MAP3K7: variants seen among roughly 807,000 people sequenced by gnomAD.
The protein encoded by MAP3K7 is TGF-beta activated kinase 1.
A neutral mutation model predicts 84.8 loss-of-function variants in MAP3K7; 21 were observed. The ratio of observed to expected loss-of-function variants is 0.25; its 90% confidence interval spans 0.18 to 0.36. MAP3K7 has a LOEUF of 0.36. MAP3K7 is among the 10% of genes least tolerant of loss of function. The pLI is 1.00. For synonymous variants in MAP3K7, 241 were observed against 247.7 expected (o/e 0.97, Z 0.25); for missense variants, 503 against 747.7 (o/e 0.67, Z 3.82).
chr6:90,529,688 G>A (rs1400086829), intron 13 of MAP3K7, among the ~76,000 whole-genome samples: 1 of 152,116 alleles, frequency 6.6e-6, no homozygotes, highest in Non-Finnish European at 1.5e-5. Context: ...GTCTTCACAC[G>A]AGATTTTTTT....
chr6:90,569,750 C>T (rs1442039872), intron 2 of MAP3K7, among the ~76,000 whole-genome samples: 1 of 152,100 alleles, frequency 6.6e-6, no homozygotes, highest in Non-Finnish European at 1.5e-5. Context: ...TCTGGGATTA[C>T]AGATGTGAAC....
At chr6:90,558,503 C>T (rs1166061690) in intron 5 of MAP3K7, among the ~76,000 whole-genome samples, 3 of 152,036 alleles carry the variant, frequency 2.0e-5, no homozygotes, top group Non-Finnish European at 2.9e-5. Flanking sequence ...GCTCCAAAGA[C>T]GATTTGCAAG....
At chr6:90,542,820 T>G (rs1775894908) in intron 12 of MAP3K7, among the ~76,000 whole-genome samples, 1 of 152,032 alleles carries the variant, frequency 6.6e-6, no homozygotes, top group Admixed American at 6.6e-5. Context: ...TGCTGCCATT[T>G]TGGGCTGGAT....
At chr6:90,541,767 G>A (rs553516545) in intron 12 of MAP3K7, among the ~76,000 whole-genome samples, 1 of 151,834 alleles carries the variant, frequency 6.6e-6, no homozygotes, top group African/African-American at 2.4e-5. Flanking sequence ...TTTGAAGAGC[G>A]AGCAAAAAAC....
At chr6:90,516,707 A>G in intron 16 of MAP3K7, 26 bp from the exon 17 acceptor site, 3 of 1,553,118 alleles carry the variant, frequency 1.9e-6, no homozygotes, top group Non-Finnish European at 2.6e-6. Context: ...ACATAATATT[A>G]CACATGATGG....
intron 13 of MAP3K7, among the ~76,000 whole-genome samples, chr6:90,527,676 G>A (rs377534339): frequency 1.3e-5 from 2 of 152,268 alleles, no homozygotes; most frequent in East Asian, 3.9e-4. Flanking sequence ...AAGGCCACAG[G>A]CGAGGAACAC....
At chr6:90,558,199 G>A (rs1466921537) in intron 5 of MAP3K7, among the ~76,000 whole-genome samples, 2 of 152,144 alleles carry the variant, frequency 1.3e-5, no homozygotes, top group Non-Finnish European at 2.9e-5. Flanking sequence ...GCACATGCCT[G>A]TAGTCCCAGC....
At chr6:90,536,506 C>T in intron 12 of MAP3K7, 105 bp from the exon 13 acceptor site, 2 of 669,692 alleles carry the variant, frequency 3.0e-6, no homozygotes, top group Non-Finnish European at 4.9e-6. Flanking sequence ...CTTGGATCTA[C>T]ACAAAATGTT....
intron 12 of MAP3K7, 84 bp downstream of exon 12, chr6:90,544,468 T>C: frequency 1.7e-6 from 2 of 1,195,244 alleles, no homozygotes; most frequent in African/African-American, 3.0e-5. Flanking sequence ...CTTGTAAAAA[T>C]TGGAGCAAGA....
At chr6:90,552,808 A>C (rs1354932998) in intron 7 of MAP3K7, among the ~76,000 whole-genome samples, 1 of 152,224 alleles carries the variant, frequency 6.6e-6, no homozygotes, top group Non-Finnish European at 1.5e-5. Flanking sequence ...GGACAGATGC[A>C]AGGACATTGA....
At chr6:90,553,044 C>T (rs1776229484) in intron 7 of MAP3K7, among the ~76,000 whole-genome samples, 1 of 152,218 alleles carries the variant, frequency 6.6e-6, no homozygotes, top group Non-Finnish European at 1.5e-5. Context: ...TTTGCTTCTT[C>T]TCCTTGATGA....
chr6:90,541,313 A>G lies in MAP3K7; in HGVS notation c.1291+3239T>C, dbSNP rs1209394065. Among the ~76,000 whole-genome samples the G allele has an allele frequency of 3.3e-5, 5 of 152,034 alleles. No individual in the cohort carries two copies. In the East Asian group the frequency reaches 9.6e-4, roughly 29 times the overall value. On this transcript the variant is annotated intron_variant, in intron 12 of 16. Transcript: ENST00000369329. ...ACTTACCAGCAAGCAAATGCATTAG[A>G]AAACTGTAGTTCATATGGTCTAAAT... is the stretch of plus-strand genomic sequence containing the variant.
Position 90,548,038 on chromosome 6 carries a change from A to C in MAP3K7, c.1080+9T>G, listed in dbSNP as rs369180973. On this transcript the variant is annotated intron_variant, in intron 10 of 16. Coordinates refer to ENST00000369329, the MANE Select transcript of MAP3K7 (RefSeq NM_145331.3). ...GGTTACCAGTTTTACTTGTAATAACATAACAAACCTGTTGCTTTGCCTGAT... is the reference window on the plus strand; with the variant it reads ...GGTTACCAGTTTTACTTGTAATAACCTAACAAACCTGTTGCTTTGCCTGAT... 2 of 1,606,594 alleles carry C rather than the reference A, an allele frequency of 1.2e-6. No homozygotes were observed. The highest frequency in any genetic ancestry group is 2.7e-5 in the African/African-American group (2 of 74,564).
In MAP3K7 at chr6:90,553,444, T is replaced by C. The variant is rs375107323; in HGVS notation, c.736+14A>G. On this transcript the variant is annotated intron_variant, in intron 7 of 16. Transcript: ENST00000369329. ...CACAAAAAGTACTTTTAAGAAAAATTTCTTTTTACGAACCATTATGAACAG... is the reference window on the plus strand; with the variant it reads ...CACAAAAAGTACTTTTAAGAAAAATCTCTTTTTACGAACCATTATGAACAG... The C allele has an allele frequency of 1.3e-5, 21 of 1,601,358 alleles. No individual in the cohort carries two copies. Among genetic ancestry groups the C allele is most frequent in the Middle Eastern group, 1.7e-4 (1 of 5,996 alleles).
intron 3 of MAP3K7, among the ~76,000 whole-genome samples, chr6:90,567,526 A>G (rs1427136842): frequency 6.6e-6 from 1 of 152,216 alleles, no homozygotes; most frequent in Non-Finnish European, 1.5e-5. Flanking sequence ...ACCATCTCAC[A>G]CCAGTTAGAA....
rs1036378414 is a variant in MAP3K7 at position 90,565,679 on chromosome 6, T to C, written c.297+2879A>G. 4.6e-5 allele frequency among the ~76,000 whole-genome samples: 7 copies of C among 152,078 alleles called. No individual in the cohort carries two copies. In the South Asian group the frequency reaches 1.2e-3, roughly 27 times the overall value. On this transcript the variant is annotated intron_variant, in intron 3 of 16. Coordinates refer to ENST00000369329, the MANE Select transcript of MAP3K7 (RefSeq NM_145331.3). ...TTCCTTCTGAAACTATTCCAATCGA[T>C]AGAAAAAGAGGGAATCCTCCCTAAC...
chr6:90,545,752 T>C (rs567838053), intron 11 of MAP3K7, among the ~76,000 whole-genome samples: 5 of 152,296 alleles, frequency 3.3e-5, no homozygotes, highest in African/African-American at 1.2e-4. Flanking sequence ...GCAATAGTAC[T>C]CTGATTTTAT....
rs1473686257 is a variant in MAP3K7, at chr6:90,513,927, T to C, written c.*2574A>G. On this transcript the variant is annotated 3_prime_UTR_variant, in exon 17 of 17. Coordinates refer to ENST00000369329, the MANE Select transcript of MAP3K7 (RefSeq NM_145331.3). The stretch of plus-strand genomic sequence containing the variant: ...GTAAACAACTTGTAACAAATCTTTA[T>C]ATGTTGTGTTGCTATGCGGTAAATA... 1.3e-5 allele frequency: 2 copies of C among 152,126 alleles called. No homozygotes were observed. The highest frequency in any genetic ancestry group is 4.8e-5 in the African/African-American group (2 of 41,444). The allele number at this position is 152,126 out of a possible 1,614,324, so 9.4% of individuals were successfully genotyped here.
intron 1 of MAP3K7, among the ~76,000 whole-genome samples, chr6:90,574,547 G>A (rs1189975610): frequency 6.6e-6 from 1 of 152,168 alleles, no homozygotes; most frequent in Non-Finnish European, 1.5e-5. Flanking sequence ...TATTAAATAC[G>A]AAATGATTAT....
Sources: gnomAD v4.1 joint callset for allele counts (sites outside exome capture counted in the v4.1 genomes callset) on GRCh38, gnomAD v4.1.1 for gene constraint, MANE v1.5 for transcripts, NCBI Gene and HGNC (gene_info 2026-07-23, HGNC 2026-07-21) for gene names.